KIF20B: variants seen among roughly 807,000 people sequenced by gnomAD.
KIF20B encodes the protein kinesin family member 20B.
A neutral mutation model predicts 232.5 loss-of-function variants in KIF20B; 188 were observed. The observed-to-expected ratio is 0.81, with a 90% CI of 0.72 to 0.91. KIF20B has a LOEUF of 0.91. KIF20B is among the 40% of genes least tolerant of loss of function. KIF20B has a pLI of 0.00. For missense variants in KIF20B, 2,154 were observed against 2,055.9 expected (o/e 1.05, Z -0.92); for synonymous variants, 712 against 683.0 (o/e 1.04, Z -0.66).
intron 26 of KIF20B, among the ~76,000 whole-genome samples, chr10:89,756,170 T>TA (rs1327988801): frequency 6.6e-6 from 1 of 152,224 alleles, no homozygotes; most frequent in Non-Finnish European, 1.5e-5. Flanking sequence ...TCACATGGTG[T>TA]AAATTTGCTC....
chr10:89,761,281 A>G (rs1054221349), intron 28 of KIF20B, among the ~76,000 whole-genome samples: 5 of 152,148 alleles, frequency 3.3e-5, no homozygotes, highest in Non-Finnish European at 7.4e-5. Context: ...AGGTAGATAC[A>G]TAAGTGAATG....
At chr10:89,768,911 G>A in intron 31 of KIF20B, 23 bp downstream of exon 31, 1 of 1,565,452 alleles carries the variant, frequency 6.4e-7, no homozygotes, top group Non-Finnish European at 8.6e-7. Flanking sequence ...TTAATTAAAT[G>A]ACCTTTTTTT....
chr10:89,726,159 C>G, intron 15 of KIF20B, 134 bp from the exon 16 acceptor site: 19 of 1,194,862 alleles, frequency 1.6e-5, no homozygotes, highest in African/African-American at 1.6e-5. Flanking sequence ...GGAGTTGCTT[C>G]TATATAATTT....
At position 89,754,455 on chromosome 10, in the gene KIF20B, T is replaced by C. The variant is rs1842080009; in HGVS notation, c.4348-63T>C. The C allele has an allele frequency of 4.7e-6, 5 of 1,065,580 alleles. No individual in the cohort carries two copies. The South Asian group carries it at 9.0e-5, about 19-fold the overall frequency. The allele number at this position is 1,065,580 out of a possible 1,614,324, so 66.0% of individuals were successfully genotyped here. A position where few individuals can be genotyped will look rare whatever the true frequency, so the allele number is the denominator to read the frequency against. On this transcript the variant is annotated intron_variant, in intron 25 of 32. Transcript: ENST00000371728. Reference sequence around the variant, plus strand: ...AGTAATGGATTGTATGAAAATGTTATAGAAACATGTATTGACTACTTTGTA... The same window carrying C: ...AGTAATGGATTGTATGAAAATGTTACAGAAACATGTATTGACTACTTTGTA...
At chr10:89,760,705 G>T in intron 28 of KIF20B, 69 bp downstream of exon 28, 1 of 935,286 alleles carries the variant, frequency 1.1e-6, no homozygotes, top group Non-Finnish European at 1.7e-6. Context: ...ACACGTACAA[G>T]TAAGTTGCTG....
At position 89,736,147 on chromosome 10, in the gene KIF20B, T is replaced by C. The variant is rs1841647699; in HGVS notation, c.2546-1240T>C. Among the ~76,000 whole-genome samples the C allele has an allele frequency of 2.6e-5, 4 of 152,178 alleles. No homozygotes were observed. In the South Asian group the frequency reaches 8.3e-4, roughly 32 times the overall value. Reference sequence around the variant, plus strand: ...TTGTAAAGTCTACTTGCAAACATCATATAAACATCAAACCATGAAGTATAA... The same window carrying C: ...TTGTAAAGTCTACTTGCAAACATCACATAAACATCAAACCATGAAGTATAA... On this transcript the variant is annotated intron_variant, in intron 19 of 32. Transcript: ENST00000371728.
chr10:89,754,175 CACAA>C (rs973575218), intron 25 of KIF20B, among the ~76,000 whole-genome samples: 4 of 151,034 alleles, frequency 2.6e-5, no homozygotes, highest in Admixed American at 6.6e-5. Context: ...AAATGACCAC[CACAA>C]ACAAAGTCTT....
chr10:89,772,983 T>G, intron 32 of KIF20B, 152 bp downstream of exon 32: 2 of 534,914 alleles, frequency 3.7e-6, no homozygotes. Context: ...TTATACTAAT[T>G]AAATATAAAT....
chr10:89,771,427 A>C (rs533201771), intron 31 of KIF20B, among the ~76,000 whole-genome samples: 2 of 152,122 alleles, frequency 1.3e-5, no homozygotes, highest in African/African-American at 4.8e-5. Flanking sequence ...TATTTTTTTT[A>C]GGCTGTACCA....
chr10:89,744,911 A>AC (rs1841878393), intron 22 of KIF20B, among the ~76,000 whole-genome samples: 2 of 152,192 alleles, frequency 1.3e-5, no homozygotes, highest in Non-Finnish European at 2.9e-5. Flanking sequence ...ATTAGATGAG[A>AC]TTGGGGGTGA....
At chr10:89,731,045 G>A (rs1025864289) in intron 18 of KIF20B, among the ~76,000 whole-genome samples, 3 of 152,058 alleles carry the variant, frequency 2.0e-5, no homozygotes, top group African/African-American at 7.2e-5. Context: ...TTGAGACTTG[G>A]GGCAGTAAAT....
intron 5 of KIF20B, 114 bp from the exon 6 acceptor site, chr10:89,710,847 G>A (rs146169235): frequency 3.7e-5 from 25 of 676,560 alleles, no homozygotes; most frequent in South Asian, 1.5e-4. Context: ...TATCATTTCC[G>A]TTTCAGTTGT....
In KIF20B at chr10:89,729,155, A is replaced by C; in HGVS notation, c.2299A>C (p.Lys767Gln). The change falls in exon 18 of 33, where the codon AAA becomes CAA. Residue 767 changes from lysine to glutamine, a missense_variant. By Grantham distance (53) the Lys-to-Gln change is moderately conservative. Coordinates refer to ENST00000371728, the MANE Select transcript of KIF20B (RefSeq NM_001284259.2). ...AATAATTACACAGAATCAAAGAATT[A>C]AAGAATTGATAAATATAATTGATCA... The part of the protein sequence containing the change: ...KKIITQNQRI[K>Q]ELINIIDQKE... 2 of 1,445,606 alleles carry C rather than the reference A, an allele frequency of 1.4e-6. No individual in the cohort carries two copies. The highest frequency in any genetic ancestry group is 1.9e-6 in the Non-Finnish European group (2 of 1,077,106). 89.5% of individuals were successfully genotyped at this position (1,445,606 alleles called of 1,614,324 possible). A position where few individuals can be genotyped will look rare whatever the true frequency, so the allele number is the denominator to read the frequency against.
At chr10:89,714,605 G>A (rs958051357) in intron 7 of KIF20B, among the ~76,000 whole-genome samples, 1 of 152,086 alleles carries the variant, frequency 6.6e-6, no homozygotes, top group African/African-American at 2.4e-5. Context: ...TATATGAAAT[G>A]TCAGTCATTG....
At chr10:89,756,163 C>T (rs189941874) in intron 26 of KIF20B, among the ~76,000 whole-genome samples, 26 of 152,272 alleles carry the variant, frequency 1.7e-4, no homozygotes, top group Admixed American at 1.6e-3. Context: ...CCTCATGTCA[C>T]ATGGTGTAAA....
At chr10:89,758,977 A>C in intron 27 of KIF20B, 95 bp downstream of exon 27, 1 of 679,160 alleles carries the variant, frequency 1.5e-6, no homozygotes, top group Non-Finnish European at 2.2e-6. Flanking sequence ...GTCTCAATAG[A>C]CCAAAAAGGA....
chr10:89,726,117 A>G (rs2133109022), intron 15 of KIF20B, among the ~76,000 whole-genome samples, 176 bp from the exon 16 acceptor site: 1 of 152,362 alleles, frequency 6.6e-6, no homozygotes, highest in Non-Finnish European at 1.5e-5. Context: ...TACAGCAGAA[A>G]ATAAATAATG....
At chr10:89,720,612 A>C (rs1353204835) in intron 13 of KIF20B, among the ~76,000 whole-genome samples, 1 of 152,234 alleles carries the variant, frequency 6.6e-6, no homozygotes, top group East Asian at 1.9e-4. Context: ...CCATATCTTC[A>C]AAAACACTAA....
At chr10:89,750,833 A>G (rs1842007364) in intron 23 of KIF20B, among the ~76,000 whole-genome samples, 1 of 152,168 alleles carries the variant, frequency 6.6e-6, no homozygotes. Flanking sequence ...TTTAAAATAG[A>G]AACAAATATT....
Sources: allele counts gnomAD v4.1 joint callset (sites outside exome capture counted in the v4.1 genomes callset), GRCh38; gene constraint gnomAD v4.1.1; transcripts MANE v1.5; gene names NCBI Gene and HGNC (gene_info 2026-07-23, HGNC 2026-07-21).